Variants in ERCC6L2 observed in about 807,000 individuals in gnomAD.
The protein encoded by ERCC6L2 is DNA excision repair protein ERCC-6-like 2.
Under a neutral mutation model 132.0 loss-of-function variants are expected in ERCC6L2, and 77 were observed. The ratio of observed to expected loss-of-function variants is 0.58; its 90% confidence interval spans 0.49 to 0.71. The LOEUF is 0.71. Among genes scored for constraint, ERCC6L2 ranks in the 30% least tolerant of loss-of-function variants. The pLI, the probability that ERCC6L2 is intolerant of heterozygous loss-of-function variation, is 0.00. For missense variants in ERCC6L2, 1,542 were observed against 1,837.6 expected (o/e 0.84, Z 2.94); for synonymous variants, 583 against 632.4 (o/e 0.92, Z 1.17).
chr9:95,914,560 G>C (rs1363204267), intron 4 of ERCC6L2, among the ~76,000 whole-genome samples: 3 of 152,016 alleles, frequency 2.0e-5, no homozygotes, highest in African/African-American at 7.3e-5. Context: ...CACCATGTTG[G>C]CCAGGATGGT....
At chr9:95,896,631 C>T (rs908199326) in intron 2 of ERCC6L2, among the ~76,000 whole-genome samples, 1 of 151,904 alleles carries the variant, frequency 6.6e-6, no homozygotes, top group Non-Finnish European at 1.5e-5. Context: ...GCCATGTTGC[C>T]CACGCTGGTC....
chr9:95,924,359 A>G (rs902643168), intron 9 of ERCC6L2, among the ~76,000 whole-genome samples: 1 of 152,184 alleles, frequency 6.6e-6, no homozygotes, highest in African/African-American at 2.4e-5. Flanking sequence ...TAAAAAATAA[A>G]TGTTTATATT....
intron 19 of ERCC6L2, among the ~76,000 whole-genome samples, chr9:96,038,216 T>C (rs1015008684): frequency 6.6e-6 from 1 of 152,108 alleles, no homozygotes; most frequent in African/African-American, 2.4e-5. Flanking sequence ...GTTGCATTTG[T>C]TTGTATCAGG....
At chr9:95,905,531 A>G (rs1187177142) in intron 3 of ERCC6L2, among the ~76,000 whole-genome samples, 1 of 152,210 alleles carries the variant, frequency 6.6e-6, no homozygotes, top group Non-Finnish European at 1.5e-5. Context: ...GTAATATACA[A>G]AAAAATCAAA....
intron 16 of ERCC6L2, among the ~76,000 whole-genome samples, chr9:95,977,590 CA>C (rs1396065346): frequency 6.6e-6 from 1 of 152,064 alleles, no homozygotes; most frequent in East Asian, 1.9e-4. Flanking sequence ...ACAAAAAAGA[CA>C]AAATACAAAC....
At chr9:95,979,502 C>T (rs1832807613) in intron 17 of ERCC6L2, among the ~76,000 whole-genome samples, 2 of 152,146 alleles carry the variant, frequency 1.3e-5, no homozygotes, top group Non-Finnish European at 2.9e-5. Flanking sequence ...GGAAATTTGT[C>T]ACTTGGTGTT....
At chr9:95,916,580 C>G (rs756796883) in intron 6 of ERCC6L2, 146 bp downstream of exon 6, 1 of 592,904 alleles carries the variant, frequency 1.7e-6, no homozygotes, top group Non-Finnish European at 2.8e-6. Flanking sequence ...CGCAGAATTT[C>G]AGAAACCATT....
Position 96,002,847 on chromosome 9 carries a change from G to A in ERCC6L2, c.3493-1673G>A, listed in dbSNP as rs544451889. Among the ~76,000 whole-genome samples, 29 of 151,908 alleles carry A rather than the reference G, an allele frequency of 1.9e-4. No individual in the cohort carries two copies. In the South Asian group the frequency reaches 3.1e-3, roughly 16 times the overall value. On this transcript the variant is annotated intron_variant, in intron 17 of 18. Transcript: ENST00000653738. ...GGTTTATTTTCATTTTTCCTACTAG[G>A]GATTCTTCCTCCTTTTTCAGTTTGA...
chr9:95,932,359 T>C (rs10760675), intron 11 of ERCC6L2, among the ~76,000 whole-genome samples: 90,100 of 152,046 alleles, frequency 0.59, 26,937 homozygotes, highest in East Asian at 0.79. Context: ...CCACCATTTC[T>C]GCCATCACAT....
intron 19 of ERCC6L2, among the ~76,000 whole-genome samples, chr9:96,037,287 T>C (rs1375043624): frequency 6.6e-6 from 1 of 152,144 alleles, no homozygotes; most frequent in East Asian, 1.9e-4. Context: ...CTGCACACAT[T>C]GATTGTGTGA....
At chr9:95,997,626 T>A (rs1218563942) in intron 17 of ERCC6L2, among the ~76,000 whole-genome samples, 1 of 152,174 alleles carries the variant, frequency 6.6e-6, no homozygotes, top group East Asian at 1.9e-4. Context: ...AACCAAAAAA[T>A]TTGTGGTGGT....
At chr9:95,929,959 C>G (rs989145552) in intron 11 of ERCC6L2, among the ~76,000 whole-genome samples, 6 of 152,144 alleles carry the variant, frequency 3.9e-5, no homozygotes, top group African/African-American at 1.4e-4. Context: ...TTCCTAATTA[C>G]CCCTTCACCT....
At chr9:95,888,831 T>A (rs969915391) in intron 2 of ERCC6L2, among the ~76,000 whole-genome samples, 1 of 152,194 alleles carries the variant, frequency 6.6e-6, no homozygotes, top group Non-Finnish European at 1.5e-5. Context: ...CTCCCTTCCC[T>A]AACTGTCTTT....
intron 3 of ERCC6L2, chr9:95,904,878 A>G (rs1041376593): frequency 1.3e-5 from 2 of 152,150 alleles, no homozygotes; most frequent in African/African-American, 4.8e-5. Flanking sequence ...GCATTATTTA[A>G]CCTAGCTTCT....
intron 17 of ERCC6L2, among the ~76,000 whole-genome samples, chr9:95,983,351 A>G (rs1588020704): frequency 6.6e-6 from 1 of 152,154 alleles, no homozygotes; most frequent in South Asian, 2.1e-4. Context: ...TTTGATTCCA[A>G]CTCTTCTCCC....
chr9:95,943,609 G>T (rs1000893685), intron 12 of ERCC6L2, among the ~76,000 whole-genome samples: 1 of 152,000 alleles, frequency 6.6e-6, no homozygotes, highest in African/African-American at 2.4e-5. Context: ...TCACATATCT[G>T]ATAAAGTATT....
At chr9:96,021,353 A>T (rs1205963528), downstream of ERCC6L2, 1 of 326,058 alleles carries the variant, frequency 3.1e-6, no homozygotes, top group Non-Finnish European at 5.9e-6. This position sits in a 1 kb window ranked among gnomAD's most constrained non-coding sequence, Gnocchi z 4.7. Flanking sequence ...CGAGTTCTCC[A>T]GGAGCCGCAC....
At chr9:95,893,175 A>G (rs920697021) in intron 2 of ERCC6L2, among the ~76,000 whole-genome samples, 5 of 152,202 alleles carry the variant, frequency 3.3e-5, no homozygotes, top group African/African-American at 1.2e-4. Flanking sequence ...AGGTCATTCT[A>G]TTCTCATTTT....
chr9:95,981,983 C>G (rs1380099065), intron 17 of ERCC6L2, among the ~76,000 whole-genome samples: 1 of 152,060 alleles, frequency 6.6e-6, no homozygotes, highest in Non-Finnish European at 1.5e-5. Flanking sequence ...AGACTGTGAC[C>G]AACTCTAAGA....
Sources: gnomAD v4.1 joint callset for allele counts (sites outside exome capture counted in the v4.1 genomes callset) on GRCh38, gnomAD v4.1.1 for gene constraint, Gnocchi (gnomAD v3.1) non-coding constraint, MANE v1.5 for transcripts, NCBI Gene and HGNC (gene_info 2026-07-23, HGNC 2026-07-21) for gene names.